Variants in SLC22A23 observed in about 807,000 individuals in gnomAD.
SLC22A23 encodes the protein solute carrier family 22 member 23, also known as ion transporter protein.
Under a neutral mutation model 61.0 loss-of-function variants are expected in SLC22A23, and 26 were observed. That is an observed-to-expected ratio of 0.43 (90% CI 0.31 to 0.59). The LOEUF is 0.59. Among genes scored for constraint, SLC22A23 ranks in the 20% least tolerant of loss-of-function variants. The probability of loss-of-function intolerance (pLI) is 0.11; values close to 1 mark genes in which losing one functional copy is unlikely to be tolerated. For missense variants in SLC22A23, 796 were observed against 934.7 expected (o/e 0.85, Z 1.94); for synonymous variants, 430 against 413.9 (o/e 1.04, Z -0.47).
chr6:3,273,922 A>C (rs1758666084), intron 9 of SLC22A23, among the ~76,000 whole-genome samples: 1 of 152,226 alleles, frequency 6.6e-6, no homozygotes, highest in Non-Finnish European at 1.5e-5. Flanking sequence ...AAGATACTTT[A>C]AAAGAGTAGT....
Position 3,321,242 on chromosome 6 carries a change from G to A in SLC22A23, c.1082+2592C>T, listed in dbSNP as rs545357271. ...CCACTTTTTACAGACATGAGACAAC[G>A]CGGGCTCAGAGAGGTGTGAGGCAGG... On this transcript the variant is annotated intron_variant, in intron 4 of 9. Transcript: ENST00000406686. Among the ~76,000 whole-genome samples, 6 of 152,306 alleles carry A rather than the reference G, an allele frequency of 3.9e-5. No individual in the cohort carries two copies. The East Asian group carries it at 5.8e-4, about 15-fold the overall frequency.
At chr6:3,362,999 A>G (rs747270242) in intron 3 of SLC22A23, among the ~76,000 whole-genome samples, 1 of 152,090 alleles carries the variant, frequency 6.6e-6, no homozygotes, top group African/African-American at 2.4e-5. Flanking sequence ...CAAGGAAGAG[A>G]GTTTTGATCT....
At position 3,456,681 on chromosome 6, in the gene SLC22A23, C is replaced by T. The variant is rs1266512489; in HGVS notation, c.-122G>A. On this transcript the variant is annotated 5_prime_UTR_variant, in exon 1 of 10. Coordinates refer to ENST00000406686, the MANE Select transcript of SLC22A23 (RefSeq NM_015482.2). The surrounding 1 kb of genome is among the most constrained non-coding windows in gnomAD (Gnocchi z 7.1). ...CTGCCGCCGAGGAGGGCCCGCGGCT[C>T]GAGAGAGAGCGCTCGGCGGCTCCGG... 1 of 605,044 alleles carries T rather than the reference C, an allele frequency of 1.7e-6. No homozygotes were observed. The highest frequency in any genetic ancestry group is 1.4e-4 in the East Asian group (1 of 7,014). The allele number at this position is 605,044 out of a possible 1,614,324, so 37.5% of individuals were successfully genotyped here.
At chr6:3,288,858 C>T (rs1471585209) in intron 6 of SLC22A23, among the ~76,000 whole-genome samples, 3 of 152,204 alleles carry the variant, frequency 2.0e-5, no homozygotes, top group East Asian at 1.9e-4. Context: ...TGAGGCTCTA[C>T]TGTTGTTTGG....
chr6:3,383,518 G>A (rs1019557743), intron 3 of SLC22A23, among the ~76,000 whole-genome samples: 1 of 152,254 alleles, frequency 6.6e-6, no homozygotes, highest in Non-Finnish European at 1.5e-5. Context: ...CACAGAGTCA[G>A]TGTGACGAGC....
rs79673263 is a variant in SLC22A23 at position 3,379,535 on chromosome 6, G to A, written c.913+30653C>T. On this transcript the variant is annotated intron_variant, in intron 3 of 9. Coordinates refer to ENST00000406686, the MANE Select transcript of SLC22A23 (RefSeq NM_015482.2). ...TTTGGGAGGTGTGCGAGGGTGGGCA[G>A]AGAGAAGGATAGACAGCGTTTTCCA... is the stretch of plus-strand genomic sequence containing the variant. 4.7e-3 allele frequency among the ~76,000 whole-genome samples: 715 copies of A among 152,290 alleles called. 4 individuals carry two copies. The highest frequency in any genetic ancestry group is 5.9e-3 in the Admixed American group (90 of 15,304).
rs4512270 is a variant in SLC22A23, at chr6:3,318,641, A to G, written c.1082+5193T>C. 0.35 allele frequency among the ~76,000 whole-genome samples: 53,023 copies of G among 151,948 alleles called. 9,635 individuals carry two copies. The highest frequency in any genetic ancestry group is 0.47 in the Middle Eastern group (138 of 292). On this transcript the variant is annotated intron_variant, in intron 4 of 9. Coordinates refer to ENST00000406686, the MANE Select transcript of SLC22A23 (RefSeq NM_015482.2). The surrounding 1 kb of genome is among the most constrained non-coding windows in gnomAD (Gnocchi z 4.3). ...TCCTGGGAACTGAGAGTAATAAATG[A>G]TCTTTCAATGGCAATTGTCTCCTGG... is the stretch of plus-strand genomic sequence containing the variant.
chr6:3,334,334 T>C (rs893028082), intron 3 of SLC22A23, among the ~76,000 whole-genome samples: 11 of 152,190 alleles, frequency 7.2e-5, no homozygotes, highest in Admixed American at 3.9e-4. Flanking sequence ...CTAATTTTTG[T>C]ATTTTTAGTA....
chr6:3,389,262 C>T (rs1160263625), intron 3 of SLC22A23, among the ~76,000 whole-genome samples: 1 of 72,518 alleles, frequency 1.4e-5, no homozygotes, highest in African/African-American at 5.3e-5. Context: ...GAGCAAAACT[C>T]TGTCTCAAAA....
intron 3 of SLC22A23, among the ~76,000 whole-genome samples, chr6:3,404,774 G>A (rs1408336724): frequency 2.0e-5 from 3 of 152,154 alleles, no homozygotes; most frequent in African/African-American, 7.2e-5. Context: ...AGACAGTGGG[G>A]TACAGAGCAA....
chr6:3,381,290 A>T (rs898808348), intron 3 of SLC22A23, among the ~76,000 whole-genome samples: 7 of 152,176 alleles, frequency 4.6e-5, no homozygotes, highest in Non-Finnish European at 1.0e-4. Flanking sequence ...AGTGAGGTCC[A>T]TCTGCCCATT....
intron 9 of SLC22A23, among the ~76,000 whole-genome samples, chr6:3,274,676 C>T (rs913414807): frequency 1.8e-4 from 27 of 152,126 alleles, no homozygotes; most frequent in African/African-American, 6.3e-4. Flanking sequence ...GATAAAAGAT[C>T]AACATACAAA....
At chr6:3,299,998 CTTTTTTTTTT>C (rs869114176) in intron 4 of SLC22A23, among the ~76,000 whole-genome samples, 890 of 78,690 alleles carry the variant, frequency 0.011, 11 homozygotes, top group African/African-American at 0.038. Context: ...TCAGGATAGA[CTTTTTTTTTT>C]TTTTTTTTTT....
intron 3 of SLC22A23, among the ~76,000 whole-genome samples, chr6:3,369,049 A>C (rs201138075): frequency 2.3e-5 from 3 of 129,118 alleles, no homozygotes; most frequent in Non-Finnish European, 5.1e-5. Flanking sequence ...TGTGAGGTTT[A>C]CTTTTTTTTT....
rs1302289140 is a variant in SLC22A23 at position 3,285,170 on chromosome 6, G to A, written c.1547-59C>T. 8 of 1,604,916 alleles carry A rather than the reference G, an allele frequency of 5.0e-6. No individual in the cohort carries two copies. In the South Asian group the frequency reaches 5.6e-5, roughly 11 times the overall value. ...CAAGGGCCAAGCAAGCGAGAAGAGA[G>A]AAGAGAGCACATTAGGTGTGGAGTT... is the stretch of plus-strand genomic sequence containing the variant. On this transcript the variant is annotated intron_variant, in intron 7 of 9. Transcript: ENST00000406686.
chr6:3,331,069 T>C (rs1012000521), intron 3 of SLC22A23, among the ~76,000 whole-genome samples: 1 of 152,292 alleles, frequency 6.6e-6, no homozygotes, highest in Middle Eastern at 3.4e-3. Context: ...ACAATGACTG[T>C]ATTATGTAGG....
chr6:3,363,770 G>A (rs1306824757), intron 3 of SLC22A23, among the ~76,000 whole-genome samples: 1 of 152,254 alleles, frequency 6.6e-6, no homozygotes. Flanking sequence ...GGTGGGAGCT[G>A]CCTCCTTGGC....
At chr6:3,321,770 C>T (rs909110297) in intron 4 of SLC22A23, among the ~76,000 whole-genome samples, 5 of 152,166 alleles carry the variant, frequency 3.3e-5, no homozygotes, top group African/African-American at 1.2e-4. Flanking sequence ...GTATGGGTCG[C>T]CAAGAGGCTG....
chr6:3,338,670 A>G (rs1338768822), intron 3 of SLC22A23, among the ~76,000 whole-genome samples: 1 of 152,272 alleles, frequency 6.6e-6, no homozygotes, highest in African/African-American at 2.4e-5. Flanking sequence ...AAAAGGGTAG[A>G]GGAAAACATT....
Sources: allele counts gnomAD v4.1 joint callset (sites outside exome capture counted in the v4.1 genomes callset), GRCh38; gene constraint gnomAD v4.1.1; non-coding constraint Gnocchi (gnomAD v3.1); transcripts MANE v1.5; gene names NCBI Gene and HGNC (gene_info 2026-07-23, HGNC 2026-07-21).